Variants in VWA3B observed in about 807,000 individuals in gnomAD.
The protein encoded by VWA3B is von Willebrand factor A domain containing 3B.
Under a neutral mutation model 158.3 loss-of-function variants are expected in VWA3B, and 138 were observed. That is an observed-to-expected ratio of 0.87 (90% CI 0.76 to 1.00). The LOEUF (loss-of-function observed/expected upper bound fraction) is 1.00. VWA3B is among the 50% of genes least tolerant of loss of function. The pLI, the probability that VWA3B is intolerant of heterozygous loss-of-function variation, is 0.00. For synonymous variants in VWA3B, 596 were observed against 587.3 expected, an observed-to-expected ratio of 1.01 and a Z score of -0.21; for missense variants, 1,555 against 1,565.1, an observed-to-expected ratio of 0.99 and a Z score of 0.11.
chr2:98,232,731 C>T (rs555211945), intron 16 of VWA3B, among the ~76,000 whole-genome samples: 1 of 152,216 alleles, frequency 6.6e-6, no homozygotes, highest in East Asian at 1.9e-4. Flanking sequence ...GTTCTGATGG[C>T]GATTTAATTT....
chr2:98,262,443 T>C (rs1483470931), intron 21 of VWA3B, among the ~76,000 whole-genome samples: 1 of 151,870 alleles, frequency 6.6e-6, no homozygotes. Context: ...TTAGTTTTTA[T>C]ATATGTTTTA....
At chr2:98,194,553 C>A in intron 12 of VWA3B, 61 bp downstream of exon 12, 1 of 1,570,336 alleles carries the variant, frequency 6.4e-7, no homozygotes, top group South Asian at 1.2e-5. Flanking sequence ...GTACTGAGTT[C>A]ATTCACAGGA....
intron 14 of VWA3B, among the ~76,000 whole-genome samples, chr2:98,222,558 C>G (rs1684596977): frequency 1.3e-5 from 2 of 152,174 alleles, no homozygotes; most frequent in Admixed American, 1.3e-4. Flanking sequence ...GAACTAGTGG[C>G]CCCTTGCAGA....
chr2:98,234,630 C>G lies in VWA3B; in HGVS notation c.2309-18C>G. 1 of 1,614,052 alleles carries G rather than the reference C, an allele frequency of 6.2e-7. No individual in the cohort carries two copies. Among genetic ancestry groups the G allele is most frequent in the East Asian group, 2.2e-5 (1 of 44,880 alleles). On this transcript the variant is annotated intron_variant, in intron 16 of 27. Coordinates refer to ENST00000477737, the MANE Select transcript of VWA3B (RefSeq NM_144992.5). Reference sequence around the variant, plus strand: ...CCATCCCCAATTCCTTTAACTCTTCCCTCTGTGATACCAACAGAATCAACC... The same window carrying G: ...CCATCCCCAATTCCTTTAACTCTTCGCTCTGTGATACCAACAGAATCAACC...
At chr2:98,249,119 C>T (rs1686629534) in intron 19 of VWA3B, among the ~76,000 whole-genome samples, 1 of 152,024 alleles carries the variant, frequency 6.6e-6, no homozygotes. Flanking sequence ...ATTTTTGAAA[C>T]AATGACAGTA....
intron 7 of VWA3B, among the ~76,000 whole-genome samples, chr2:98,137,806 C>T (rs973854915): frequency 3.9e-5 from 6 of 152,104 alleles, no homozygotes; most frequent in African/African-American, 1.4e-4. Flanking sequence ...AGACTTAGAA[C>T]ATACTTGTTA....
intron 7 of VWA3B, among the ~76,000 whole-genome samples, chr2:98,158,100 C>T (rs796396076): frequency 2.4e-4 from 37 of 152,190 alleles, no homozygotes; most frequent in African/African-American, 8.0e-4. Context: ...TCTTGCACAC[C>T]CCTCTGAAGA....
chr2:98,106,521 A>G (rs1192471813), intron 2 of VWA3B, among the ~76,000 whole-genome samples: 1 of 152,222 alleles, frequency 6.6e-6, no homozygotes, highest in Non-Finnish European at 1.5e-5. Flanking sequence ...GTTCACGAAT[A>G]TGAAATATCT....
At chr2:98,308,424 G>A (rs984322928) in intron 26 of VWA3B, among the ~76,000 whole-genome samples, 2 of 152,210 alleles carry the variant, frequency 1.3e-5, no homozygotes, top group Non-Finnish European at 2.9e-5. Flanking sequence ...AGAATAGTCC[G>A]TATCCTGTCT....
Position 98,250,331 on chromosome 2 carries a change from C to G in VWA3B, c.2687C>G (p.Ala896Gly), listed in dbSNP as rs751428711. The G allele has an allele frequency of 6.2e-7, 1 of 1,612,066 alleles. No homozygotes were observed. The change falls in exon 20 of 28, where the codon GCA becomes GGA. Residue 896 changes from alanine (A) to glycine (G), a missense_variant. Coordinates refer to ENST00000477737, the MANE Select transcript of VWA3B (RefSeq NM_144992.5). Reference sequence around the variant, plus strand: ...ATTGACATGCAGGTGTTCCCTCTGGCACATGTGTGCAACGACACAAATAAG... The same window carrying G: ...ATTGACATGCAGGTGTTCCCTCTGGGACATGTGTGCAACGACACAAATAAG... ...SKVFDEVFPL[A>G]HVCNDTNKMT...
At position 98,312,020 on chromosome 2, in the gene VWA3B, C is replaced by T. The variant is rs201841398; in HGVS notation, c.3723C>T (p.His1241=). 122 of 1,598,560 alleles carry T rather than the reference C, an allele frequency of 7.6e-5. 2 individuals carry two copies. In the Admixed American group the frequency reaches 2.1e-3, roughly 27 times the overall value. Residue 1241 remains histidine (H), a synonymous_variant, in exon 27 of 28, where the codon CAC becomes CAT. Coordinates refer to ENST00000477737, the MANE Select transcript of VWA3B (RefSeq NM_144992.5). Reference sequence around the variant, plus strand: ...CCCATGGGTCCTGCCAGGGGACACACCCCGAGCCCAGGGTTTGGGTGATGG... The same window carrying T: ...CCCATGGGTCCTGCCAGGGGACACATCCCGAGCCCAGGGTTTGGGTGATGG... ...ISSHGSCQGT[H]PEPRTAHLHF...
At chr2:98,201,225 G>A (rs1682520066) in intron 12 of VWA3B, among the ~76,000 whole-genome samples, 2 of 152,104 alleles carry the variant, frequency 1.3e-5, no homozygotes. Flanking sequence ...GAGAATTGAC[G>A]TCTAACACTG....
At chr2:98,326,430 A>C in the VWA3B span, among the ~76,000 whole-genome samples, 1 of 152,240 alleles carries the variant, frequency 6.6e-6, no homozygotes, top group Non-Finnish European at 1.5e-5. Flanking sequence ...CTCCAGGCCC[A>C]GATGGTTTAG....
chr2:98,140,268 T>C (rs913665616), intron 7 of VWA3B, among the ~76,000 whole-genome samples: 1 of 152,188 alleles, frequency 6.6e-6, no homozygotes, highest in Non-Finnish European at 1.5e-5. Context: ...TTAGAGATTC[T>C]CCTTCCTCCC....
At chr2:98,088,016 G>GTCTC (rs1336520646) in intron 1 of VWA3B, among the ~76,000 whole-genome samples, 3 of 151,930 alleles carry the variant, frequency 2.0e-5, no homozygotes, top group African/African-American at 7.3e-5. Flanking sequence ...CAATATCCTT[G>GTCTC]TCTCTGTCCA....
intron 7 of VWA3B, among the ~76,000 whole-genome samples, chr2:98,140,476 T>A: frequency 6.6e-6 from 1 of 152,192 alleles, no homozygotes; most frequent in East Asian, 1.9e-4. Flanking sequence ...AGCCCAGCAT[T>A]GGCTGGATCC....
chr2:98,149,785 C>G (rs373915156), intron 7 of VWA3B, among the ~76,000 whole-genome samples: 1 of 152,128 alleles, frequency 6.6e-6, no homozygotes, highest in African/African-American at 2.4e-5. Flanking sequence ...CCTATTCCCC[C>G]GCCTCATTAT....
chr2:98,319,197 A>G, the VWA3B span, among the ~76,000 whole-genome samples: 1 of 152,196 alleles, frequency 6.6e-6, no homozygotes, highest in South Asian at 2.1e-4. Flanking sequence ...CACATACAAG[A>G]ATAAACTCCA....
intron 22 of VWA3B, among the ~76,000 whole-genome samples, chr2:98,283,606 A>G (rs1259675919): frequency 1.3e-5 from 2 of 152,150 alleles, no homozygotes; most frequent in African/African-American, 4.8e-5. Flanking sequence ...AGATGGAAAA[A>G]CTGTGCTACT....
Sources: gnomAD v4.1 joint callset for allele counts (sites outside exome capture counted in the v4.1 genomes callset) on GRCh38, gnomAD v4.1.1 for gene constraint, MANE v1.5 for transcripts, NCBI Gene and HGNC (gene_info 2026-07-23, HGNC 2026-07-21) for gene names.